Variants in PTPRD observed in about 807,000 individuals in gnomAD.
PTPRD encodes receptor-type tyrosine-protein phosphatase delta.
In PTPRD, 34 loss-of-function variants were observed where a neutral mutation model predicts 214.5. That is an observed-to-expected ratio of 0.16 (90% CI 0.12 to 0.21). PTPRD has a LOEUF of 0.21. Among genes scored for constraint, PTPRD ranks in the 10% least tolerant of loss-of-function variants. The pLI, the probability that PTPRD is intolerant of heterozygous loss-of-function variation, is 1.00. For missense variants in PTPRD, 2,545 were observed against 2,398.7 expected (o/e 1.06, Z -1.27); for synonymous variants, 1,128 against 845.7 (o/e 1.33, Z -5.79).
chr9:8,877,064 C>T (rs2098400081), intron 11 of PTPRD, among the ~76,000 whole-genome samples: 2 of 151,886 alleles, frequency 1.3e-5, no homozygotes, highest in African/African-American at 4.8e-5. Flanking sequence ...GTAGCTGGGA[C>T]TATGGACAAG....
intron 9 of PTPRD, among the ~76,000 whole-genome samples, chr9:9,357,524 C>T (rs747078062): frequency 6.6e-6 from 1 of 150,766 alleles, no homozygotes. Flanking sequence ...ATATAAGGTC[C>T]CTTTGCAGCT....
chr9:8,580,329 T>C (rs1484366841), intron 14 of PTPRD, among the ~76,000 whole-genome samples: 1 of 151,912 alleles, frequency 6.6e-6, no homozygotes, highest in Non-Finnish European at 1.5e-5. Flanking sequence ...AATAAGAAAA[T>C]AGTTTAGAAC....
intron 3 of PTPRD, among the ~76,000 whole-genome samples, chr9:10,127,843 T>A (rs1433986752): frequency 6.6e-6 from 1 of 152,130 alleles, no homozygotes; most frequent in East Asian, 1.9e-4. Context: ...AAGTGGAAGT[T>A]TTTAAATTCT....
chr9:9,311,655 A>G (rs1959044247), intron 9 of PTPRD, among the ~76,000 whole-genome samples: 1 of 152,160 alleles, frequency 6.6e-6, no homozygotes, highest in African/African-American at 2.4e-5. Flanking sequence ...TATAAAAATG[A>G]GATTAAAAAC....
intron 12 of PTPRD, among the ~76,000 whole-genome samples, chr9:8,674,686 G>C (rs138263986): frequency 1.3e-5 from 2 of 152,036 alleles, no homozygotes; most frequent in East Asian, 1.9e-4. Context: ...AAATCACTTA[G>C]CTTGTTAAAA....
intron 4 of PTPRD, among the ~76,000 whole-genome samples, chr9:10,019,675 G>A (rs924142431): frequency 4.6e-5 from 7 of 151,752 alleles, no homozygotes; most frequent in African/African-American, 1.7e-4. Flanking sequence ...ACTATCGCAA[G>A]GACAAAAAAC....
At chr9:8,458,985 T>C (rs2096296606) in intron 33 of PTPRD, among the ~76,000 whole-genome samples, 1 of 152,164 alleles carries the variant, frequency 6.6e-6, no homozygotes. Flanking sequence ...CATTTGTCCT[T>C]TATTTTCTCA....
chr9:8,945,970 G>A (rs1488362707), intron 11 of PTPRD, among the ~76,000 whole-genome samples: 2 of 151,936 alleles, frequency 1.3e-5, no homozygotes, highest in Non-Finnish European at 2.9e-5. Context: ...AACACTTCAG[G>A]GTTTCTCAAA....
At chr9:9,547,796 TCA>T (rs35772205) in intron 8 of PTPRD, among the ~76,000 whole-genome samples, 309 of 142,292 alleles carry the variant, frequency 2.2e-3, no homozygotes, top group African/African-American at 4.8e-3. Flanking sequence ...AAACACAAAT[TCA>T]CACACACACA....
chr9:9,837,814 A>T (rs1192255096), intron 5 of PTPRD, among the ~76,000 whole-genome samples: 3 of 152,098 alleles, frequency 2.0e-5, no homozygotes, highest in Admixed American at 2.0e-4. Context: ...CATGTGCACA[A>T]TGTGCAGGTT....
intron 3 of PTPRD, among the ~76,000 whole-genome samples, chr9:10,315,934 A>G (rs1421227556): frequency 6.6e-6 from 1 of 151,872 alleles, no homozygotes; most frequent in African/African-American, 2.4e-5. Flanking sequence ...GATTTTCTCT[A>G]GGTTTATCAT....
chr9:9,966,791 A>C (rs1005600572), intron 4 of PTPRD, among the ~76,000 whole-genome samples: 1 of 152,112 alleles, frequency 6.6e-6, no homozygotes, highest in Non-Finnish European at 1.5e-5. Flanking sequence ...AAAATACAAA[A>C]ACTTACAGAT....
chr9:10,529,200 C>T (rs561386107), intron 2 of PTPRD, among the ~76,000 whole-genome samples: 2 of 152,188 alleles, frequency 1.3e-5, no homozygotes, highest in South Asian at 4.1e-4. Context: ...ACCATTTGAT[C>T]CAGCAATCTC....
intron 11 of PTPRD, among the ~76,000 whole-genome samples, chr9:8,853,499 C>A (rs1449020446): frequency 7.9e-5 from 12 of 152,030 alleles, no homozygotes; most frequent in Non-Finnish European, 1.5e-5. Context: ...CACCAGCTAC[C>A]AATTAGAAGC....
intron 9 of PTPRD, among the ~76,000 whole-genome samples, chr9:9,272,362 T>C (rs2132888380): frequency 6.6e-6 from 1 of 151,446 alleles, no homozygotes; most frequent in African/African-American, 2.4e-5. Flanking sequence ...AAATCTTCTC[T>C]TGTGAAATCC....
At chr9:9,970,267 G>A (rs1184993029) in intron 4 of PTPRD, among the ~76,000 whole-genome samples, 2 of 151,698 alleles carry the variant, frequency 1.3e-5, no homozygotes, top group Admixed American at 6.6e-5. Flanking sequence ...TGGCTAACAC[G>A]GTGAAACCCC....
intron 5 of PTPRD, among the ~76,000 whole-genome samples, chr9:9,905,352 T>C (rs753776428): frequency 2.6e-5 from 4 of 151,954 alleles, no homozygotes; most frequent in South Asian, 2.1e-4. Flanking sequence ...ATTGTTGTTA[T>C]TGACTAGTAA....
intron 7 of PTPRD, among the ~76,000 whole-genome samples, chr9:9,607,848 A>G (rs2094270727): frequency 6.6e-6 from 1 of 152,076 alleles, no homozygotes; most frequent in African/African-American, 2.4e-5. Context: ...ACCAAGAAAA[A>G]GCTGTCAGGT....
At chr9:10,366,310 A>G (rs2097515239) in intron 2 of PTPRD, among the ~76,000 whole-genome samples, 1 of 152,200 alleles carries the variant, frequency 6.6e-6, no homozygotes, top group South Asian at 2.1e-4. Context: ...ATAAACTGCT[A>G]TGTATACAGA....
Sources: allele counts gnomAD v4.1 joint callset (sites outside exome capture counted in the v4.1 genomes callset), GRCh38; gene constraint gnomAD v4.1.1; transcripts MANE v1.5; gene names NCBI Gene and HGNC (gene_info 2026-07-23, HGNC 2026-07-21).